Variants in FAM107B observed in about 807,000 individuals in gnomAD.
FAM107B encodes the protein protein FAM107B.
A neutral mutation model predicts 31.5 loss-of-function variants in FAM107B; 21 were observed. That is an observed-to-expected ratio of 0.67 (90% CI 0.47 to 0.96). The LOEUF is 0.96. Ranked by LOEUF, FAM107B falls within the 40% of genes least tolerant of loss-of-function variation. The pLI is 0.00. For missense variants in FAM107B, 452 were observed against 377.1 expected (o/e 1.20, Z -1.64); for synonymous variants, 157 against 141.5 (o/e 1.11, Z -0.78).
intron 2 of FAM107B, among the ~76,000 whole-genome samples, chr10:14,600,343 C>T (rs557641772): frequency 3.3e-4 from 50 of 152,266 alleles, no homozygotes; most frequent in African/African-American, 8.9e-4. Flanking sequence ...ACAAAGTGTC[C>T]GAACCCCACA....
chr10:14,582,339 A>G (rs1851661005), intron 2 of FAM107B, among the ~76,000 whole-genome samples: 1 of 151,822 alleles, frequency 6.6e-6, no homozygotes, highest in African/African-American at 2.4e-5. Context: ...AAGTTATTGC[A>G]ACCACATACC....
chr10:14,691,857 G>A (rs1855143651), intron 1 of FAM107B, among the ~76,000 whole-genome samples: 1 of 143,006 alleles, frequency 7.0e-6, no homozygotes, highest in Non-Finnish European at 1.5e-5. Context: ...TCGTGCCACT[G>A]CAAGCCAGCC....
At chr10:14,753,700 A>G (rs1166436606) in intron 1 of FAM107B, among the ~76,000 whole-genome samples, 2 of 152,170 alleles carry the variant, frequency 1.3e-5, no homozygotes, top group Non-Finnish European at 1.5e-5. Flanking sequence ...GTTTACTTCA[A>G]TTTTTTACTT....
At chr10:14,553,581 G>A in intron 2 of FAM107B, 1 of 312,748 alleles carries the variant, frequency 3.2e-6, no homozygotes, top group Non-Finnish European at 6.3e-6. Flanking sequence ...CACCACACAG[G>A]AAACTGGGCA....
chr10:14,731,310 C>T (rs958970324), intron 1 of FAM107B, among the ~76,000 whole-genome samples: 4 of 152,148 alleles, frequency 2.6e-5, no homozygotes, highest in African/African-American at 9.7e-5. Context: ...GCCTGTAATC[C>T]CAGCAGTATG....
intron 2 of FAM107B, among the ~76,000 whole-genome samples, chr10:14,619,191 C>T (rs183804140): frequency 3.3e-5 from 5 of 152,270 alleles, no homozygotes; most frequent in Admixed American, 2.6e-4. Context: ...TTGTTTTAAG[C>T]CACTCACTTT....
intron 1 of FAM107B, among the ~76,000 whole-genome samples, chr10:14,720,131 C>T (rs1340412527): frequency 6.6e-6 from 1 of 152,210 alleles, no homozygotes; most frequent in African/African-American, 2.4e-5. Context: ...AATGAAAGAG[C>T]TAGACTAGAT....
At chr10:14,622,151 G>A (rs908861514) in intron 2 of FAM107B, among the ~76,000 whole-genome samples, 14 of 152,076 alleles carry the variant, frequency 9.2e-5, no homozygotes, top group South Asian at 2.1e-4. Flanking sequence ...TGCATCCAAC[G>A]GGGGCCAGGC....
At chr10:14,625,333 C>G (rs1853131825) in intron 2 of FAM107B, among the ~76,000 whole-genome samples, 1 of 151,872 alleles carries the variant, frequency 6.6e-6, no homozygotes, top group African/African-American at 2.4e-5. Context: ...CATGAAATCT[C>G]TGCTTTGTCT....
intron 1 of FAM107B, among the ~76,000 whole-genome samples, chr10:14,688,860 C>G (rs571044550): frequency 2.5e-4 from 38 of 152,310 alleles, no homozygotes; most frequent in African/African-American, 9.1e-4. Context: ...CCTTTGACCT[C>G]TTTCTGTTGG....
At chr10:14,665,496 G>C (rs529434902) in intron 2 of FAM107B, among the ~76,000 whole-genome samples, 1 of 152,218 alleles carries the variant, frequency 6.6e-6, no homozygotes, top group Non-Finnish European at 1.5e-5. Context: ...TATGCCAAGA[G>C]AGCAAATAAA....
At chr10:14,572,353 C>G (rs1190716627) in intron 2 of FAM107B, 1 of 985,262 alleles carries the variant, frequency 1.0e-6, no homozygotes, top group Non-Finnish European at 1.2e-6. Context: ...TACCAGGTTG[C>G]AACACTCACA....
intron 1 of FAM107B, among the ~76,000 whole-genome samples, chr10:14,677,587 C>A (rs1340614909): frequency 6.6e-6 from 1 of 152,024 alleles, no homozygotes; most frequent in Non-Finnish European, 1.5e-5. Context: ...CGCCACTGCA[C>A]TCCAGCCTGG....
intron 1 of FAM107B, among the ~76,000 whole-genome samples, chr10:14,751,362 G>A (rs181744166): frequency 1.3e-5 from 2 of 152,294 alleles, no homozygotes; most frequent in East Asian, 3.9e-4. Context: ...ATACAGCATG[G>A]CCTGTGCTTG....
rs544368720 is a variant in FAM107B at position 14,755,441 on chromosome 10, T to TGAGATGGGAGAATTGCTTG, written c.411+18793_411+18811dup. ...CTGTAATCCCAGCTACTCAGGAGGC[T>TGAGATGGGAGAATTGCTTG]GAGATGGGAGAATTGCTTGAACCTG... On this transcript the variant is annotated intron_variant, in intron 1 of 4. Coordinates refer to ENST00000181796, the MANE Select transcript of FAM107B (RefSeq NM_031453.4). Among the ~76,000 whole-genome samples, 33 of 150,602 alleles carry TGAGATGGGAGAATTGCTTG rather than the reference T, an allele frequency of 2.2e-4. No homozygotes were observed. The South Asian group carries it at 6.7e-3, about 31-fold the overall frequency.
chr10:14,770,537 AAAAAT>A (rs1340623498), intron 1 of FAM107B, among the ~76,000 whole-genome samples: 2 of 152,136 alleles, frequency 1.3e-5, no homozygotes, highest in Admixed American at 6.6e-5. Context: ...AAATAAAAAT[AAAAAT>A]AAAATAAAAT....
chr10:14,609,415 G>A (rs1852672750), intron 2 of FAM107B, among the ~76,000 whole-genome samples: 1 of 152,112 alleles, frequency 6.6e-6, no homozygotes, highest in African/African-American at 2.4e-5. Flanking sequence ...GTTCTTTGTG[G>A]TTATAGGACT....
At chr10:14,739,247 G>A (rs548022315) in intron 1 of FAM107B, among the ~76,000 whole-genome samples, 5 of 152,178 alleles carry the variant, frequency 3.3e-5, no homozygotes, top group Non-Finnish European at 7.3e-5. Flanking sequence ...GCTCCATGAC[G>A]GGAGTGCTAA....
At chr10:14,595,866 G>A (rs1056371090) in intron 2 of FAM107B, among the ~76,000 whole-genome samples, 3 of 152,072 alleles carry the variant, frequency 2.0e-5, no homozygotes, top group South Asian at 2.1e-4. Context: ...TCTCACCAGC[G>A]GCACCCCGGC....
Sources: gnomAD v4.1 joint callset for allele counts (sites outside exome capture counted in the v4.1 genomes callset) on GRCh38, gnomAD v4.1.1 for gene constraint, MANE v1.5 for transcripts, NCBI Gene and HGNC (gene_info 2026-07-23, HGNC 2026-07-21) for gene names.